Variants in PCDHB15 observed in about 807,000 individuals in gnomAD.
The protein encoded by PCDHB15 is protocadherin beta-15.
For missense variants in PCDHB15, 1,032 were observed against 991.7 expected, an observed-to-expected ratio of 1.04 and a Z score of -0.55; for synonymous variants, 492 against 447.9, an observed-to-expected ratio of 1.10 and a Z score of -1.24.
rs1361272436 is a variant in PCDHB15 at position 141,245,761 on chromosome 5, G to C, written c.183G>C (p.Glu61Asp). The change falls in exon 1 of 1, where the codon GAG becomes GAC. Residue 61 changes from glutamate to aspartate, a missense_variant. By Grantham distance (45) the Glu-to-Asp change is conservative. Transcript: ENST00000231173. Reference protein sequence around the residue: ...DLGLGVGELAERGARVVSEDN... With the variant: ...DLGLGVGELADRGARVVSEDN... ...GGCTGGGAGTGGGGGAGCTAGCCGA[G>C]CGGGGAGCCCGGGTAGTTTCTGAGG... 1.2e-6 allele frequency: 2 copies of C among 1,614,224 alleles called. No homozygotes were observed. The highest frequency in any genetic ancestry group is 1.1e-5 in the South Asian group (1 of 91,086).
Position 141,246,581 on chromosome 5 carries a change from G to C in PCDHB15, c.1003G>C (p.Val335Leu). 6.2e-7 allele frequency: 1 copy of C among 1,614,204 alleles called. No homozygotes were observed. Among genetic ancestry groups the C allele is most frequent in the East Asian group, 2.2e-5 (1 of 44,884 alleles). Residue 335 changes from valine to leucine, a missense_variant, in exon 1 of 1, where the codon GTT becomes CTT. By Grantham distance (32) the Val-to-Leu change is conservative. Transcript: ENST00000231173. ...ACTTTCTGGAAAATGCTCTGTCTCTGTTAAGGTGCTGGATGTTAACGATAA... is the reference window on the plus strand; with the variant it reads ...ACTTTCTGGAAAATGCTCTGTCTCTCTTAAGGTGCTGGATGTTAACGATAA... The part of the protein sequence containing the change: ...GGLSGKCSVS[V>L]KVLDVNDNFP...
Position 141,247,160 on chromosome 5 carries a change from G to T in PCDHB15, c.1582G>T (p.Glu528Ter). The T allele has an allele frequency of 6.2e-7, 1 of 1,613,576 alleles. No individual in the cohort carries two copies. Among genetic ancestry groups the T allele is most frequent in the East Asian group, 2.2e-5 (1 of 44,872 alleles). Reference sequence around the variant, plus strand: ...GGACTACGAGGCCCTGCAGGCTTTCGAGTTCCGCGTGGGCGCCACAGACCG... The same window carrying T: ...GGACTACGAGGCCCTGCAGGCTTTCTAGTTCCGCGTGGGCGCCACAGACCG... Reference protein sequence around the residue: ...SLDYEALQAFEFRVGATDRGF... With the variant: ...SLDYEALQAF The change falls in exon 1 of 1, where the codon GAG becomes TAG. Residue 528 changes from glutamate to a stop codon, truncating the protein, a stop_gained. Coordinates refer to ENST00000231173, the MANE Select transcript of PCDHB15 (RefSeq NM_018935.4). LOFTEE classifies it low-confidence loss of function (END_TRUNC).
Position 141,245,537 on chromosome 5 carries a change from T to C in PCDHB15, c.-42T>C. On this transcript the variant is annotated 5_prime_UTR_variant, in exon 1 of 1. Transcript: ENST00000231173. ...CTGTCCCATCGCTCCCTGAAGTAGC[T>C]CTGACTCCGGTTCCTTGAAAGGGGC... is the stretch of plus-strand genomic sequence containing the variant. 6.4e-7 allele frequency: 1 copy of C among 1,569,936 alleles called. No homozygotes were observed. Among genetic ancestry groups the C allele is most frequent in the Non-Finnish European group, 8.7e-7 (1 of 1,147,908 alleles).
Position 141,246,835 on chromosome 5 carries a change from C to A in PCDHB15, c.1257C>A (p.Ile419=), listed in dbSNP as rs146307362. The A allele has an allele frequency of 5.0e-6, 8 of 1,614,182 alleles. No individual in the cohort carries two copies. The East Asian group carries it at 1.6e-4, about 31-fold the overall frequency. The part of the protein sequence containing the change: ...LDRETRAEYN[I]TITITDLGTP... The stretch of plus-strand genomic sequence containing the variant: ...GAGAGACCAGAGCCGAGTACAACAT[C>A]ACCATCACCATCACAGACTTGGGGA... Residue 419 remains isoleucine, a synonymous_variant, in exon 1 of 1, where the codon ATC becomes ATA. Transcript: ENST00000231173.
Position 141,248,663 on chromosome 5 carries a change from C to G in PCDHB15, c.*721C>G, listed in dbSNP as rs1029496156. The G allele has an allele frequency of 2.0e-5, 3 of 152,038 alleles. No individual in the cohort carries two copies. The highest frequency in any genetic ancestry group is 1.3e-4 in the Admixed American group (2 of 15,260). The allele number at this position is 152,038 out of a possible 1,614,324, so 9.4% of individuals were successfully genotyped here. ...CCAGATTTACTGTGTTTAAGGTGTT[C>G]GTATAAGGCCAATAGACACTAGGAC... On this transcript the variant is annotated 3_prime_UTR_variant, in exon 1 of 1. Transcript: ENST00000231173.
In PCDHB15 at chr5:141,246,180, A is replaced by T. The variant is rs1554291855; in HGVS notation, c.602A>T (p.Asp201Val). The T allele has an allele frequency of 1.2e-6, 2 of 1,614,218 alleles. No individual in the cohort carries two copies. Among genetic ancestry groups the T allele is most frequent in the East Asian group, 4.5e-5 (2 of 44,882 alleles). Residue 201 changes from aspartate to valine, a missense_variant, in exon 1 of 1, where the codon GAT becomes GTT. Asp to Val is a radical substitution (Grantham distance 152). Coordinates refer to ENST00000231173, the MANE Select transcript of PCDHB15 (RefSeq NM_018935.4). ...GAGCTGGTGCTGGACACAGAACTGG[A>T]TCGCGAGGAGCAGGCCGAGCTCAGA... is the stretch of plus-strand genomic sequence containing the variant. ...YPELVLDTEL[D>V]REEQAELRLT...
Position 141,247,687 on chromosome 5 carries a change from C to G in PCDHB15, c.2109C>G (p.Phe703Leu). The G allele has an allele frequency of 6.2e-7, 1 of 1,611,174 alleles. No homozygotes were observed. The highest frequency in any genetic ancestry group is 8.5e-7 in the Non-Finnish European group (1 of 1,179,920). ...CCTCGGTGTCTTCGCTCTTCCTCTT[C>G]TCGGTGTTCCTGTTCGTGGCAGTGC... ...ALASVSSLFLFSVFLFVAVRL... is the reference protein window; with the variant it reads ...ALASVSSLFLLSVFLFVAVRL... The change falls in exon 1 of 1, where the codon TTC becomes TTG. Residue 703 changes from phenylalanine to leucine, a missense_variant. By Grantham distance (22) the Phe-to-Leu change is conservative. Transcript: ENST00000231173.
rs557139873 is a variant in PCDHB15, at chr5:141,248,212, T to G, written c.*270T>G. On this transcript the variant is annotated 3_prime_UTR_variant, in exon 1 of 1. Coordinates refer to ENST00000231173, the MANE Select transcript of PCDHB15 (RefSeq NM_018935.4). The stretch of plus-strand genomic sequence containing the variant: ...TGATATGAAAGTTAACCCCACCTAA[T>G]AAACATAACTCTAATTCTGAAATTA... The G allele has an allele frequency of 1.5e-5, 4 of 258,180 alleles. No homozygotes were observed. The highest frequency in any genetic ancestry group is 1.4e-3 in the Middle Eastern group (1 of 702). The allele number at this position is 258,180 out of a possible 1,614,324, so 16.0% of individuals were successfully genotyped here.
In PCDHB15 at chr5:141,247,301, C is replaced by G; in HGVS notation, c.1723C>G (p.Leu575Val). Residue 575 changes from leucine to valine, a missense_variant, in exon 1 of 1, where the codon CTG (leucine) becomes GTG (valine). By Grantham distance (32) the Leu-to-Val change is conservative. Coordinates refer to ENST00000231173, the MANE Select transcript of PCDHB15 (RefSeq NM_018935.4). The part of the protein sequence containing the change: ...LQNGSAPCTE[L>V]VPRAAEPGYL... ...GAACGGCTCCGCGCCCTGCACCGAG[C>G]TGGTGCCCCGGGCGGCCGAGCCGGG... 3 of 1,609,202 alleles carry G rather than the reference C, an allele frequency of 1.9e-6. No individual in the cohort carries two copies. The highest frequency in any genetic ancestry group is 2.5e-6 in the Non-Finnish European group (3 of 1,178,978).
At position 141,248,740 on chromosome 5, in the gene PCDHB15, C is replaced by T. The variant is rs572872984; in HGVS notation, c.*798C>T. 2.0e-5 allele frequency: 3 copies of T among 152,212 alleles called. No individual in the cohort carries two copies. Among genetic ancestry groups the T allele is most frequent in the South Asian group, 2.1e-4 (1 of 4,824 alleles). The allele number at this position is 152,212 out of a possible 1,614,324, so 9.4% of individuals were successfully genotyped here. A position where few individuals can be genotyped will look rare whatever the true frequency, so the allele number is the denominator to read the frequency against. ...TCTTTTCACAGCAGGAAAATCTTAA[C>T]GAGTTCCAAATTCTGGGCTTAGAGG... On this transcript the variant is annotated 3_prime_UTR_variant, in exon 1 of 1. Coordinates refer to ENST00000231173, the MANE Select transcript of PCDHB15 (RefSeq NM_018935.4).
Position 141,247,420 on chromosome 5 carries a change from G to C in PCDHB15, c.1842G>C (p.Leu614=). ...TGCTCAAGGCCACGGAGCCCGGGCT[G>C]TTCGGCGTGTGGGCGCACAATGGCG... is the stretch of plus-strand genomic sequence containing the variant. ...YQLLKATEPG[L]FGVWAHNGEV... Residue 614 remains leucine (L), a synonymous_variant, in exon 1 of 1, where the codon CTG becomes CTC. Coordinates refer to ENST00000231173, the MANE Select transcript of PCDHB15 (RefSeq NM_018935.4). The C allele has an allele frequency of 1.2e-6, 2 of 1,606,038 alleles. No individual in the cohort carries two copies. Among genetic ancestry groups the C allele is most frequent in the Non-Finnish European group, 1.7e-6 (2 of 1,179,500 alleles).
At position 141,246,364 on chromosome 5, in the gene PCDHB15, C is replaced by T. The variant is rs782603524; in HGVS notation, c.786C>T (p.Val262=). The T allele has an allele frequency of 1.3e-5, 21 of 1,613,908 alleles. No homozygotes were observed. The highest frequency in any genetic ancestry group is 3.3e-4 in the Middle Eastern group (2 of 6,084). Residue 262 remains valine (V), a synonymous_variant, in exon 1 of 1, where the codon GTC becomes GTT. Transcript: ENST00000231173. ...ACAGCCCAGTAGGCTCCCTAGTTGT[C>T]AAGGTCTCTGCTAGGGATTTAGACA... ...PENSPVGSLV[V]KVSARDLDTG...
Position 141,246,050 on chromosome 5 carries a change from C to G in PCDHB15, c.472C>G (p.Arg158Gly), listed in dbSNP as rs1240006934. The change falls in exon 1 of 1, where the codon CGG (arginine) becomes GGG (glycine). Residue 158 changes from arginine to glycine, a missense_variant. Coordinates refer to ENST00000231173, the MANE Select transcript of PCDHB15 (RefSeq NM_018935.4). The part of the protein sequence containing the change: ...LGTVFPLKKA[R>G]DLDVGSNNVQ... ...GACTGTGTTTCCTCTGAAAAAAGCT[C>G]GGGACTTGGACGTGGGCAGCAATAA... 1.2e-6 allele frequency: 2 copies of G among 1,614,092 alleles called. No individual in the cohort carries two copies. Among genetic ancestry groups the G allele is most frequent in the East Asian group, 2.2e-5 (1 of 44,892 alleles).
Position 141,247,026 on chromosome 5 carries a change from A to T in PCDHB15, c.1448A>T (p.Asn483Ile). 1 of 1,613,516 alleles carries T rather than the reference A, an allele frequency of 6.2e-7. No individual in the cohort carries two copies. Residue 483 changes from asparagine (N) to isoleucine (I), a missense_variant, in exon 1 of 1, where the codon AAC (asparagine) becomes ATC (isoleucine). Coordinates refer to ENST00000231173, the MANE Select transcript of PCDHB15 (RefSeq NM_018935.4). ...VSATDRDSGT[N>I]AQVTYSLLPP... Reference sequence around the variant, plus strand: ...GCCACAGACAGAGACTCGGGCACCAACGCCCAGGTCACCTACTCGCTGCTG... The same window carrying T: ...GCCACAGACAGAGACTCGGGCACCATCGCCCAGGTCACCTACTCGCTGCTG...
rs1755250759 is a variant in PCDHB15, at chr5:141,246,059, G to A, written c.481G>A (p.Asp161Asn). 1.4e-5 allele frequency: 22 copies of A among 1,614,118 alleles called. No individual in the cohort carries two copies. The highest frequency in any genetic ancestry group is 1.9e-5 in the Non-Finnish European group (22 of 1,180,036). The change falls in exon 1 of 1, where the codon GAC becomes AAC. Residue 161 changes from aspartate (D) to asparagine (N), a missense_variant. Asp to Asn is a conservative substitution (Grantham distance 23, BLOSUM62 1). Transcript: ENST00000231173. ...TCCTCTGAAAAAAGCTCGGGACTTGGACGTGGGCAGCAATAATGTTCAAAA... is the reference window on the plus strand; with the variant it reads ...TCCTCTGAAAAAAGCTCGGGACTTGAACGTGGGCAGCAATAATGTTCAAAA... ...VFPLKKARDL[D>N]VGSNNVQNYN...
rs1290934400 is a variant in PCDHB15 at position 141,247,467 on chromosome 5, T to G, written c.1889T>G (p.Leu630Arg). 1.2e-6 allele frequency: 2 copies of G among 1,608,206 alleles called. No individual in the cohort carries two copies. Among genetic ancestry groups the G allele is most frequent in the South Asian group, 1.1e-5 (1 of 90,984 alleles). ...HNGEVRTARL[L>R]SERDVAKHRL... ...GGCGAGGTGCGCACCGCCAGGCTGCTGAGCGAGCGCGACGTGGCCAAGCAC... is the reference window on the plus strand; with the variant it reads ...GGCGAGGTGCGCACCGCCAGGCTGCGGAGCGAGCGCGACGTGGCCAAGCAC... Residue 630 changes from leucine to arginine, a missense_variant, in exon 1 of 1, where the codon CTG becomes CGG. Leu to Arg is a moderately radical substitution (Grantham distance 102). Transcript: ENST00000231173.
rs138986596 is a variant in PCDHB15, at chr5:141,246,854, T to C, written c.1276T>C (p.Leu426=). 2.5e-6 allele frequency: 4 copies of C among 1,614,082 alleles called. No homozygotes were observed. The highest frequency in any genetic ancestry group is 1.1e-5 in the South Asian group (1 of 91,058). The stretch of plus-strand genomic sequence containing the variant: ...CAACATCACCATCACCATCACAGAC[T>C]TGGGGACTCCAAGGCTGAAAACCGA... The part of the protein sequence containing the change: ...EYNITITITD[L]GTPRLKTEQS... The change falls in exon 1 of 1, where the codon TTG becomes CTG. Residue 426 remains leucine (L), a synonymous_variant. Coordinates refer to ENST00000231173, the MANE Select transcript of PCDHB15 (RefSeq NM_018935.4).
Position 141,247,377 on chromosome 5 carries a change from C to T in PCDHB15, c.1799C>T (p.Ala600Val). 6.2e-7 allele frequency: 1 copy of T among 1,605,298 alleles called. No individual in the cohort carries two copies. The highest frequency in any genetic ancestry group is 8.5e-7 in the Non-Finnish European group (1 of 1,178,818). ...GTGGACGGCGACTCGGGCCAGAACG[C>T]CTGGCTGTCGTACCAGCTGCTCAAG... is the stretch of plus-strand genomic sequence containing the variant. ...VAVDGDSGQN[A>V]WLSYQLLKAT... The change falls in exon 1 of 1, where the codon GCC becomes GTC. Residue 600 changes from alanine (A) to valine (V), a missense_variant. Physicochemically the swap from Ala to Val is moderately conservative, Grantham distance 64. Coordinates refer to ENST00000231173, the MANE Select transcript of PCDHB15 (RefSeq NM_018935.4).
chr5:141,247,571 G>C lies in PCDHB15; in HGVS notation c.1993G>C (p.Gly665Arg). ...CACGCTGCAAGTGCTCCTGGTGGACGGCTTCTCTCAGCCCTACCTGCCGCT... is the reference window on the plus strand; with the variant it reads ...CACGCTGCAAGTGCTCCTGGTGGACCGCTTCTCTCAGCCCTACCTGCCGCT... ...TATLQVLLVD[G>R]FSQPYLPLPE... Residue 665 changes from glycine (G) to arginine (R), a missense_variant, in exon 1 of 1, where the codon GGC becomes CGC. Transcript: ENST00000231173. 1 of 1,609,546 alleles carries C rather than the reference G, an allele frequency of 6.2e-7. No individual in the cohort carries two copies. Among genetic ancestry groups the C allele is most frequent in the Non-Finnish European group, 8.5e-7 (1 of 1,179,778 alleles).
Sources: allele counts gnomAD v4.1 joint callset, GRCh38; gene constraint gnomAD v4.1.1; transcripts MANE v1.5; gene names NCBI Gene and HGNC (gene_info 2026-07-23, HGNC 2026-07-21).